The following KCNN2 variants were observed in gnomAD, a reference collection of about 807,000 sequenced individuals.
KCNN2 encodes potassium calcium-activated channel subfamily N member 2, also known as small conductance calcium-activated potassium channel protein 2.
KCNN2 carries 24 observed loss-of-function variants against 55.5 expected under a neutral mutation model. The observed-to-expected ratio is 0.43, with a 90% CI of 0.31 to 0.61. KCNN2 has a LOEUF of 0.61. Among genes scored for constraint, KCNN2 ranks in the 20% least tolerant of loss-of-function variants. The pLI, the probability that KCNN2 is intolerant of heterozygous loss-of-function variation, is 0.08. For synonymous variants in KCNN2, 431 were observed against 336.1 expected (o/e 1.28, Z -3.09); for missense variants, 754 against 853.6 (o/e 0.88, Z 1.45).
intron 2 of KCNN2, among the ~76,000 whole-genome samples, chr5:114,312,054 C>G (rs538622973): frequency 3.3e-5 from 5 of 151,976 alleles, no homozygotes; most frequent in Non-Finnish European, 7.4e-5. Context: ...AGGGATCTAC[C>G]TCTAGTGAGT....
chr5:114,272,307 C>T (rs5011081), intron 2 of KCNN2, among the ~76,000 whole-genome samples: 137,433 of 143,804 alleles, frequency 0.96, 66,071 homozygotes, highest in Non-Finnish European at 1. Flanking sequence ...GTACATATCA[C>T]ACACACACAT....
At chr5:114,096,000 C>T (rs1285689173) in intron 1 of KCNN2, among the ~76,000 whole-genome samples, 1 of 152,070 alleles carries the variant, frequency 6.6e-6, no homozygotes, top group African/African-American at 2.4e-5. Context: ...ATAGAAAATG[C>T]ACCTATGGAT....
At chr5:114,405,265 T>C (rs1411958912) in intron 3 of KCNN2, among the ~76,000 whole-genome samples, 1 of 152,208 alleles carries the variant, frequency 6.6e-6, no homozygotes. Context: ...ATGCCTGGGC[T>C]TTAGGGAATA....
At chr5:114,419,232 T>G (rs1759399614) in intron 3 of KCNN2, among the ~76,000 whole-genome samples, 1 of 152,264 alleles carries the variant, frequency 6.6e-6, no homozygotes, top group African/African-American at 2.4e-5. Flanking sequence ...ACCACTTGTT[T>G]TTGTAAAGCC....
chr5:114,404,110 G>A (rs945527692), intron 2 of KCNN2, among the ~76,000 whole-genome samples: 13 of 152,168 alleles, frequency 8.5e-5, no homozygotes, highest in African/African-American at 2.9e-4. Flanking sequence ...GTTATAAGGC[G>A]AGTCCATTTC....
intron 3 of KCNN2, among the ~76,000 whole-genome samples, chr5:114,436,480 A>T (rs1760008230): frequency 6.6e-6 from 1 of 152,222 alleles, no homozygotes. Flanking sequence ...ATTTGATCAG[A>T]TGAATAAGGC....
intron 1 of KCNN2, among the ~76,000 whole-genome samples, chr5:114,143,867 T>C (rs1278153054): frequency 1.3e-5 from 2 of 152,226 alleles, no homozygotes; most frequent in Non-Finnish European, 2.9e-5. Context: ...ACCGTAGCAA[T>C]CATAGCTTGG....
chr5:114,424,170 G>T (rs1396084022), intron 3 of KCNN2, among the ~76,000 whole-genome samples: 1 of 152,088 alleles, frequency 6.6e-6, no homozygotes, highest in Non-Finnish European at 1.5e-5. Flanking sequence ...CATAACTATG[G>T]ATAATAATCC....
At chr5:114,387,745 A>G (rs566341196) in intron 2 of KCNN2, among the ~76,000 whole-genome samples, 8 of 152,282 alleles carry the variant, frequency 5.3e-5, no homozygotes, top group South Asian at 4.1e-4. Flanking sequence ...GGCTCTATCT[A>G]CATCCTGTAG....
intron 1 of KCNN2, among the ~76,000 whole-genome samples, chr5:114,076,816 C>T (rs541185701): frequency 6.6e-6 from 1 of 152,282 alleles, no homozygotes; most frequent in South Asian, 2.1e-4. Context: ...GCCTCAGCCT[C>T]CTAAGTAGCT....
intron 1 of KCNN2, among the ~76,000 whole-genome samples, chr5:114,072,508 AG>A: frequency 6.6e-6 from 1 of 152,306 alleles, no homozygotes; most frequent in South Asian, 2.1e-4. Flanking sequence ...ACATGTTTGT[AG>A]TACTTTTAAG....
chr5:114,214,355 C>G (rs781308640), intron 1 of KCNN2, among the ~76,000 whole-genome samples: 15 of 151,822 alleles, frequency 9.9e-5, no homozygotes, highest in Non-Finnish European at 2.1e-4. Flanking sequence ...CGTTTGTCCA[C>G]CCATGACTTA....
intron 3 of KCNN2, among the ~76,000 whole-genome samples, chr5:114,440,136 A>C (rs2150093854): frequency 6.6e-6 from 1 of 152,298 alleles, no homozygotes; most frequent in Non-Finnish European, 1.5e-5. Context: ...TCCAAAGCCA[A>C]GTAAAGAAAA....
intron 1 of KCNN2, among the ~76,000 whole-genome samples, chr5:114,204,136 A>G (rs1168160002): frequency 6.6e-6 from 1 of 152,122 alleles, no homozygotes; most frequent in East Asian, 1.9e-4. Context: ...GTGCTTTTGC[A>G]TAAGGAACTA....
intron 1 of KCNN2, among the ~76,000 whole-genome samples, chr5:114,177,204 C>T (rs936368459): frequency 2.7e-5 from 4 of 148,538 alleles, no homozygotes; most frequent in African/African-American, 1.0e-4. Flanking sequence ...GTGGCGCGAT[C>T]TCGGCTCACT....
At chr5:114,152,497 T>C (rs1422373882) in intron 1 of KCNN2, among the ~76,000 whole-genome samples, 1 of 152,214 alleles carries the variant, frequency 6.6e-6, no homozygotes, top group Non-Finnish European at 1.5e-5. Flanking sequence ...GGTGTGCTCT[T>C]CAATATTTGA....
chr5:114,142,792 A>G (rs2954353), intron 1 of KCNN2, among the ~76,000 whole-genome samples: 14,630 of 152,262 alleles, frequency 0.096, 735 homozygotes, highest in Middle Eastern at 0.15. Context: ...CATACTGCCC[A>G]ATGTAATTTA....
intron 1 of KCNN2, among the ~76,000 whole-genome samples, chr5:114,150,451 G>A (rs1561496751): frequency 6.6e-6 from 1 of 152,122 alleles, no homozygotes; most frequent in African/African-American, 2.4e-5. Flanking sequence ...AAAATGTTTG[G>A]TTTACAAAGA....
chr5:114,251,339 G>A (rs1220259991), intron 2 of KCNN2, among the ~76,000 whole-genome samples: 1 of 152,210 alleles, frequency 6.6e-6, no homozygotes, highest in Non-Finnish European at 1.5e-5. Flanking sequence ...TCAAAGTAGA[G>A]CTTGGTTTGA....
Sources: gnomAD v4.1 joint callset for allele counts (sites outside exome capture counted in the v4.1 genomes callset) on GRCh38, gnomAD v4.1.1 for gene constraint, MANE v1.5 for transcripts, NCBI Gene and HGNC (gene_info 2026-07-23, HGNC 2026-07-21) for gene names.